The following BORA variants were observed in gnomAD, a reference collection of about 807,000 sequenced individuals.
BORA encodes the protein BORA aurora kinase A activator, also known as protein aurora borealis.
BORA carries 26 observed loss-of-function variants against 55.8 expected under a neutral mutation model. The observed-to-expected ratio is 0.47, with a 90% confidence interval of 0.34 to 0.65. The LOEUF (loss-of-function observed/expected upper bound fraction) is 0.65, where lower values mean the gene tolerates loss of function less well. BORA is among the 30% of genes least tolerant of loss of function. BORA has a pLI of 0.01. For synonymous variants in BORA, 201 were observed against 216.9 expected, an observed-to-expected ratio of 0.93 and a Z score of 0.64; for missense variants, 568 against 671.5, an observed-to-expected ratio of 0.85 and a Z score of 1.70.
At chr13:72,744,437 T>C (rs1301007813) in intron 6 of BORA, 68 bp from the exon 7 acceptor site, 6 of 1,327,098 alleles carry the variant, frequency 4.5e-6, no homozygotes, top group South Asian at 1.2e-5. Flanking sequence ...ACATGCTGAA[T>C]TGTATAGTGT....
rs1334817388 is a variant in BORA at position 72,755,644 on chromosome 13, T to A, written c.*428T>A. ...GAACATACAGATGAATTATAACCTATGTGAAGAAATCTTAGATATAAAACT... is the reference window on the plus strand; with the variant it reads ...GAACATACAGATGAATTATAACCTAAGTGAAGAAATCTTAGATATAAAACT... On this transcript the variant is annotated 3_prime_UTR_variant, in exon 12 of 12. Transcript: ENST00000390667. 2.7e-6 allele frequency: 1 copy of A among 377,156 alleles called. No individual in the cohort carries two copies. Among genetic ancestry groups the A allele is most frequent in the East Asian group, 3.8e-5 (1 of 26,082 alleles). The allele number at this position is 377,156 out of a possible 1,614,324, so 23.4% of individuals were successfully genotyped here. A position where few individuals can be genotyped will look rare whatever the true frequency, so the allele number is the denominator to read the frequency against.
At chr13:72,742,617 A>C (rs1460704604) in intron 5 of BORA, among the ~76,000 whole-genome samples, 2 of 152,018 alleles carry the variant, frequency 1.3e-5, no homozygotes, top group Non-Finnish European at 2.9e-5. Context: ...CTGGGTATTT[A>C]TCCAAAGGAA....
At chr13:72,732,265 T>C (rs2032834555) in intron 3 of BORA, among the ~76,000 whole-genome samples, 1 of 152,186 alleles carries the variant, frequency 6.6e-6, no homozygotes, top group Admixed American at 6.5e-5. Flanking sequence ...CTCCATCTTC[T>C]CTTTGCTTGG....
chr13:72,738,823 T>C (rs73215009), intron 5 of BORA, among the ~76,000 whole-genome samples: 2,817 of 152,310 alleles, frequency 0.018, 48 homozygotes, highest in Non-Finnish European at 0.022. Flanking sequence ...TAATTTCTTA[T>C]AACTCATATG....
At chr13:72,740,569 C>T (rs2033014677) in intron 5 of BORA, among the ~76,000 whole-genome samples, 1 of 152,086 alleles carries the variant, frequency 6.6e-6, no homozygotes. Flanking sequence ...AGAAAATGTT[C>T]TATTGGATGC....
chr13:72,752,632 A>C (rs924300140), intron 10 of BORA: 4 of 152,240 alleles, frequency 2.6e-5, no homozygotes, highest in African/African-American at 9.6e-5. Flanking sequence ...TCAAGTAGCT[A>C]TTGAATGATA....
chr13:72,733,969 C>T (rs149339007), intron 3 of BORA, among the ~76,000 whole-genome samples: 41 of 152,158 alleles, frequency 2.7e-4, no homozygotes, highest in African/African-American at 9.9e-4. Flanking sequence ...AAAACCAAAC[C>T]CCTCATGTTC....
At chr13:72,742,490 T>C (rs1295758895) in intron 5 of BORA, among the ~76,000 whole-genome samples, 1 of 152,032 alleles carries the variant, frequency 6.6e-6, no homozygotes, top group African/African-American at 2.4e-5. Context: ...TTTTAATCTG[T>C]TGAGGACATT....
At chr13:72,728,237 T>C (rs1348007800) in intron 1 of BORA, 6 of 713,982 alleles carry the variant, frequency 8.4e-6, no homozygotes, top group Non-Finnish European at 2.5e-6. Flanking sequence ...AGAAGTAGAC[T>C]CTTTTCCACC....
Position 72,737,882 on chromosome 13 carries a change from T to C in BORA, c.307-80T>C, listed in dbSNP as rs941340340. ...TAAAGTTAGTATATGACATGTTTAA[T>C]AATTACTTGGAAAAACACAGGTACC... On this transcript the variant is annotated intron_variant, in intron 4 of 11. Coordinates refer to ENST00000390667, the MANE Select transcript of BORA (RefSeq NM_024808.5). 1.3e-5 allele frequency: 11 copies of C among 827,136 alleles called. No individual in the cohort carries two copies. In the African/African-American group the frequency reaches 1.9e-4, roughly 14 times the overall value. 51.2% of individuals were successfully genotyped at this position (827,136 alleles called of 1,614,324 possible).
At position 72,737,867 on chromosome 13, in the gene BORA, A is replaced by G. The variant is rs922183845; in HGVS notation, c.307-95A>G. On this transcript the variant is annotated intron_variant, in intron 4 of 11. Coordinates refer to ENST00000390667, the MANE Select transcript of BORA (RefSeq NM_024808.5). The stretch of plus-strand genomic sequence containing the variant: ...TTTTGCATACAGTTATAAAGTTAGT[A>G]TATGACATGTTTAATAATTACTTGG... 7.8e-6 allele frequency: 5 copies of G among 641,870 alleles called. No homozygotes were observed. The East Asian group carries it at 1.0e-4, about 13-fold the overall frequency. The allele number at this position is 641,870 out of a possible 1,614,324, so 39.8% of individuals were successfully genotyped here.
chr13:72,741,071 T>C (rs575384398), intron 5 of BORA, among the ~76,000 whole-genome samples: 9 of 152,366 alleles, frequency 5.9e-5, no homozygotes, highest in Admixed American at 3.3e-4. Context: ...CTATTATTAA[T>C]ATTTATGCAG....
chr13:72,753,591 A>G, intron 10 of BORA, 99 bp from the exon 11 acceptor site: 1 of 1,239,248 alleles, frequency 8.1e-7, no homozygotes, highest in Non-Finnish European at 1.1e-6. Flanking sequence ...TGTTAGGATC[A>G]TTCAGATGTA....
chr13:72,742,767 TACACACACACACACACACAC>T (rs67866253), intron 5 of BORA, among the ~76,000 whole-genome samples: 2,046 of 141,730 alleles, frequency 0.014, 60 homozygotes, highest in African/African-American at 0.05. Context: ...TATATATATA[TACACACACACACACACACAC>T]ACACACACAC....
In BORA at chr13:72,727,951, G is replaced by A. The variant is rs551731769; in HGVS notation, c.-72G>A. 1.3e-6 allele frequency: 2 copies of A among 1,550,644 alleles called. No homozygotes were observed. The highest frequency in any genetic ancestry group is 2.7e-5 in the African/African-American group (2 of 73,184). The stretch of plus-strand genomic sequence containing the variant: ...GAGTCTATGCCTGTCGTGGAAGCTG[G>A]CCTGGCCCCCGGAGCTCCCTGGAGT... On this transcript the variant is annotated 5_prime_UTR_variant, in exon 1 of 12. Transcript: ENST00000390667.
In BORA at chr13:72,746,475, AT is replaced by A. The variant is rs746750787; in HGVS notation, c.872-18del. On this transcript the variant is annotated intron_variant, in intron 9 of 11. Transcript: ENST00000390667. ...TCCATTTTCATGTTTTTATGATGTGATTTTTTTTCCCTTCCCACCTTTCAGA... is the reference window on the plus strand; with the variant it reads ...TCCATTTTCATGTTTTTATGATGTGATTTTTTTCCCTTCCCACCTTTCAGA... The A allele has an allele frequency of 8.3e-6, 13 of 1,570,872 alleles. No homozygotes were observed. Among genetic ancestry groups the A allele is most frequent in the South Asian group, 3.5e-5 (3 of 85,544 alleles).
intron 8 of BORA, among the ~76,000 whole-genome samples, chr13:72,745,422 CCT>C (rs1207475561): frequency 6.6e-6 from 1 of 152,288 alleles, no homozygotes; most frequent in East Asian, 1.9e-4. Flanking sequence ...CTTGGACACC[CCT>C]GTGAGCTGCC....
chr13:72,735,993 GC>G (rs2032918961), intron 4 of BORA, among the ~76,000 whole-genome samples: 1 of 151,882 alleles, frequency 6.6e-6, no homozygotes, highest in Non-Finnish European at 1.5e-5. Flanking sequence ...TTACTTTTCT[GC>G]CCCTCTAGCC....
chr13:72,754,343 A>T, intron 11 of BORA: 2 of 139,176 alleles, frequency 1.4e-5, no homozygotes, highest in Non-Finnish European at 1.5e-5. Flanking sequence ...ACAGGGTCTT[A>T]CTCTGTCACC....
Sources: gnomAD v4.1 joint callset for allele counts (sites outside exome capture counted in the v4.1 genomes callset) on GRCh38, gnomAD v4.1.1 for gene constraint, MANE v1.5 for transcripts, NCBI Gene and HGNC (gene_info 2026-07-23, HGNC 2026-07-21) for gene names.